The following DRP2 variants were observed in gnomAD, a reference collection of about 807,000 sequenced individuals.
The protein encoded by DRP2 is dystrophin related protein 2, also known as dystrophin-related protein 2.
Under a neutral mutation model 78.2 loss-of-function variants are expected in DRP2, and 29 were observed. The ratio of observed to expected loss-of-function variants is 0.37; its 90% CI spans 0.28 to 0.51. The LOEUF (loss-of-function observed/expected upper bound fraction) is 0.51, where lower values mean the gene tolerates loss of function less well. DRP2 is among the 20% of genes least tolerant of loss of function. The probability of loss-of-function intolerance (pLI) is 0.94; values close to 1 mark genes in which losing one functional copy is unlikely to be tolerated. For synonymous variants in DRP2, 290 were observed against 281.9 expected (o/e 1.03, Z -0.29); for missense variants, 686 against 770.6 (o/e 0.89, Z 1.30).
chrX:101,256,838 C>A (rs1373435420), intron 21 of DRP2, among the ~76,000 whole-genome samples: 14 of 107,315 alleles, frequency 1.3e-4, no homozygotes, highest in African/African-American at 4.8e-4. Flanking sequence ...GGATTACAGG[C>A]ATGAGCCACT....
At chrX:101,256,617 C>T (rs1021741903) in intron 21 of DRP2, among the ~76,000 whole-genome samples, 17 of 107,360 alleles carry the variant, frequency 1.6e-4, no homozygotes, top group East Asian at 3.0e-4. Context: ...GTCGTGATCT[C>T]GGCTCACTGC....
Position 101,261,259 on chromosome X carries a change from T to A in DRP2, c.*638T>A, listed in dbSNP as rs1157797202. 4.5e-5 allele frequency: 5 copies of A among 112,090 alleles called. No individual in the cohort carries two copies. The highest frequency in any genetic ancestry group is 7.5e-5 in the Non-Finnish European group (4 of 53,204). 9.2% of individuals were successfully genotyped at this position (112,090 alleles called of 1,213,427 possible). ...TTTAGCCTCAGTCCCTGACAGACCT[T>A]CCTTAAGGGGAGAACAGTTCATTCT... On this transcript the variant is annotated 3_prime_UTR_variant, in exon 24 of 24. Transcript: ENST00000395209.
chrX:101,242,926 A>C lies in DRP2; in HGVS notation c.998A>C (p.Lys333Thr). Residue 333 changes from lysine (K) to threonine (T), a missense_variant, in exon 9 of 24, where the codon AAG (lysine) becomes ACG (threonine). Coordinates refer to ENST00000395209, the MANE Select transcript of DRP2 (RefSeq NM_001939.3). The stretch of plus-strand genomic sequence containing the variant: ...TAGGCGTCAGTTAGTGAGAGGCTTA[A>C]GCAGCTCCAGGATGCCCACCGGGAC... ...QLQASVSERL[K>T]QLQDAHRDFG... The C allele has an allele frequency of 8.3e-7, 1 of 1,210,992 alleles. No individual in the cohort carries two copies. The highest frequency in any genetic ancestry group is 1.1e-6 in the Non-Finnish European group (1 of 895,200).
In DRP2 at chrX:101,260,580, C is replaced by T. The variant is rs1259322036; in HGVS notation, c.2833C>T (p.Arg945Ter). The T allele has an allele frequency of 4.1e-6, 5 of 1,211,173 alleles. No individual in the cohort carries two copies. Among genetic ancestry groups the T allele is most frequent in the Admixed American group, 2.2e-5 (1 of 45,980 alleles). The change falls in exon 24 of 24, where the codon CGA becomes TGA. Residue 945 changes from arginine (R) to a stop codon, truncating the protein, a stop_gained. Transcript: ENST00000395209. LOFTEE classifies it high-confidence loss of function. ...ACTCCGTCATGCCTTCCCCAGTGTG[C>T]GAAGTTCTGATGTGACTGCCAACAC... ...EKLRHAFPSV[R>*]SSDVTANTLL... is the part of the protein sequence containing the mutation.
chrX:101,257,318 T>C (rs1001825794), intron 21 of DRP2, among the ~76,000 whole-genome samples: 3 of 107,974 alleles, frequency 2.8e-5, no homozygotes, highest in African/African-American at 1.0e-4. Context: ...CCCATACTGC[T>C]GTTCCACAGG....
chrX:101,235,724 C>A, intron 3 of DRP2, 136 bp from the exon 4 acceptor site: 1 of 622,274 alleles, frequency 1.6e-6, no homozygotes, highest in Non-Finnish European at 2.4e-6. Context: ...AGTCCCTGAA[C>A]ACACAGAGAA....
chrX:101,235,836 C>T, intron 3 of DRP2, 24 bp from the exon 4 acceptor site: 1 of 1,192,162 alleles, frequency 8.4e-7, no homozygotes, highest in South Asian at 1.8e-5. Context: ...CCAAGGATCA[C>T]AGGATGTTTG....
intron 2 of DRP2, among the ~76,000 whole-genome samples, chrX:101,229,222 G>A (rs1922217108): frequency 8.9e-6 from 1 of 112,042 alleles, no homozygotes; most frequent in African/African-American, 3.2e-5. Flanking sequence ...AGGTCTGAAA[G>A]CAAGCCTCTT....
In DRP2 at chrX:101,256,102, C is replaced by A; in HGVS notation, c.2247-16C>A. 8.6e-7 allele frequency: 1 copy of A among 1,161,477 alleles called. No individual in the cohort carries two copies. Among genetic ancestry groups the A allele is most frequent in the Non-Finnish European group, 1.1e-6 (1 of 872,421 alleles). On this transcript the variant is annotated splice_polypyrimidine_tract_variant and intron_variant, in intron 20 of 23. Transcript: ENST00000395209. ...AACAACTGGTCACCTACTCTGCTTT[C>A]CCCACACCCATGCAGAGACGAGGAC...
Position 101,250,187 on chromosome X carries a change from C to G in DRP2, c.1541-236C>G, listed in dbSNP as rs184707549. On this transcript the variant is annotated intron_variant, in intron 14 of 23. Coordinates refer to ENST00000395209, the MANE Select transcript of DRP2 (RefSeq NM_001939.3). Reference sequence around the variant, plus strand: ...CTCACTCTTTCTCTCTCTGTCTCCCCCTCCCCCTGATATTCTCTCTTTGTG... The same window carrying G: ...CTCACTCTTTCTCTCTCTGTCTCCCGCTCCCCCTGATATTCTCTCTTTGTG... 2.9e-3 allele frequency among the ~76,000 whole-genome samples: 318 copies of G among 111,035 alleles called. 1 individual carries two copies. The highest frequency in any genetic ancestry group is 1.0e-2 in the African/African-American group (305 of 30,518).
chrX:101,231,812 G>A (rs763746515), intron 3 of DRP2, 48 bp downstream of exon 3: 23 of 1,077,252 alleles, frequency 2.1e-5, no homozygotes, highest in Non-Finnish European at 2.8e-5. Context: ...AGTGGACACA[G>A]GATCTGTGTG....
intron 16 of DRP2, chrX:101,251,399 G>C: frequency 6.7e-6 from 1 of 149,357 alleles, no homozygotes; most frequent in South Asian, 2.2e-4. Context: ...TCTCTAGAAA[G>C]AAAAAAGGAA....
chrX:101,257,655 A>C (rs1357272578), intron 21 of DRP2, among the ~76,000 whole-genome samples: 1 of 110,407 alleles, frequency 9.1e-6, no homozygotes, highest in East Asian at 2.8e-4. Flanking sequence ...GAAAAAAAAA[A>C]AAACCTGGAT....
intron 3 of DRP2, among the ~76,000 whole-genome samples, chrX:101,233,000 TG>T (rs1367021666): frequency 2.7e-5 from 3 of 111,995 alleles, no homozygotes; most frequent in African/African-American, 9.7e-5. Flanking sequence ...TAGAGAGCCT[TG>T]AGGGGAGTGG....
At chrX:101,254,738 C>A in intron 18 of DRP2, 121 bp from the exon 19 acceptor site, 1 of 1,070,514 alleles carries the variant, frequency 9.3e-7, no homozygotes, top group East Asian at 3.0e-5. Context: ...GACTGGAATC[C>A]AGTCTTTGTA....
At position 101,248,617 on chromosome X, in the gene DRP2, G is replaced by A. The variant is rs755420327; in HGVS notation, c.1540+18G>A. ...ACTTCAGTGTGAGTAGAACTCCAAA[G>A]TGTGGAGTGGTGTTGGGTAGAGGGA... On this transcript the variant is annotated intron_variant, in intron 14 of 23. Transcript: ENST00000395209. 6.8e-6 allele frequency: 8 copies of A among 1,177,885 alleles called. No individual in the cohort carries two copies. In the South Asian group the frequency reaches 1.2e-4, roughly 18 times the overall value.
intron 11 of DRP2, 38 bp from the exon 12 acceptor site, chrX:101,247,052 T>A (rs1172939806): frequency 8.4e-7 from 1 of 1,183,977 alleles, no homozygotes; most frequent in Non-Finnish European, 1.1e-6. Flanking sequence ...TAACTTGAAT[T>A]TTTCTGATCT....
At chrX:101,225,844 C>T (rs961752484) in intron 2 of DRP2, among the ~76,000 whole-genome samples, 2 of 111,808 alleles carry the variant, frequency 1.8e-5, no homozygotes, top group Non-Finnish European at 3.8e-5. Context: ...TTCTGTTTCT[C>T]AACCTGAGAA....
chrX:101,237,483 C>A, intron 4 of DRP2, 136 bp from the exon 5 acceptor site: 1 of 683,860 alleles, frequency 1.5e-6, no homozygotes, highest in Non-Finnish European at 2.0e-6. Flanking sequence ...TCCAGGCCTC[C>A]TCCCACTTGA....
Sources: gnomAD v4.1 joint callset for allele counts (sites outside exome capture counted in the v4.1 genomes callset) on GRCh38, gnomAD v4.1.1 for gene constraint, MANE v1.5 for transcripts, NCBI Gene and HGNC (gene_info 2026-07-23, HGNC 2026-07-21) for gene names.